Variants in NPFFR2 observed in about 807,000 individuals in gnomAD.
NPFFR2 encodes the protein G-protein coupled receptor 74.
Under a neutral mutation model 13.1 loss-of-function variants are expected in NPFFR2, and 15 were observed. The ratio of observed to expected loss-of-function variants is 1.15; its 90% CI spans 0.77 to 1.76. The LOEUF (loss-of-function observed/expected upper bound fraction) is 1.76. Among genes scored for constraint, NPFFR2 ranks in the 40% most tolerant of loss-of-function variants. The pLI is 0.00. For synonymous variants in NPFFR2, 190 were observed against 175.7 expected (o/e 1.08, Z -0.65); for missense variants, 572 against 503.5 (o/e 1.14, Z -1.30).
intron 1 of NPFFR2, among the ~76,000 whole-genome samples, chr4:72,125,073 C>G (rs189370850): frequency 1.3e-5 from 2 of 152,276 alleles, no homozygotes; most frequent in African/African-American, 2.4e-5. Flanking sequence ...GGAATTTAAA[C>G]AAATTTACCA....
intron 1 of NPFFR2, among the ~76,000 whole-genome samples, chr4:72,037,509 G>C (rs1327020332): frequency 6.6e-6 from 1 of 151,978 alleles, no homozygotes. Context: ...CTGAATGTGG[G>C]GTCTTTCTAG....
At chr4:72,133,104 A>G (rs1233577331) in intron 2 of NPFFR2, among the ~76,000 whole-genome samples, 6 of 152,114 alleles carry the variant, frequency 3.9e-5, no homozygotes, top group Admixed American at 3.9e-4. Context: ...GGTATTGCCT[A>G]GTTGTCTTCC....
At chr4:72,113,872 C>T (rs993491528) in intron 1 of NPFFR2, among the ~76,000 whole-genome samples, 1 of 152,016 alleles carries the variant, frequency 6.6e-6, no homozygotes. Flanking sequence ...AATATTTAGT[C>T]TATAAAATAT....
intron 1 of NPFFR2, among the ~76,000 whole-genome samples, chr4:72,102,296 G>C (rs929630148): frequency 6.6e-6 from 1 of 152,058 alleles, no homozygotes; most frequent in Non-Finnish European, 1.5e-5. Flanking sequence ...TTAGAAGAAT[G>C]CTAAACTGTG....
At chr4:72,063,148 T>C (rs1307336380) in intron 1 of NPFFR2, among the ~76,000 whole-genome samples, 1 of 152,224 alleles carries the variant, frequency 6.6e-6, no homozygotes, top group African/African-American at 2.4e-5. Flanking sequence ...ATATACAATA[T>C]AATGCTTTCA....
At chr4:72,088,457 CAT>C (rs1006918481) in intron 1 of NPFFR2, among the ~76,000 whole-genome samples, 7 of 151,786 alleles carry the variant, frequency 4.6e-5, no homozygotes, top group African/African-American at 1.5e-4. Flanking sequence ...ATAGAATATA[CAT>C]ATATATATAG....
intron 1 of NPFFR2, among the ~76,000 whole-genome samples, chr4:72,054,342 A>C (rs1026854112): frequency 6.6e-5 from 10 of 152,042 alleles, no homozygotes; most frequent in African/African-American, 2.4e-4. Context: ...TTATGTGGCC[A>C]ATTTATTTTA....
intron 1 of NPFFR2, among the ~76,000 whole-genome samples, chr4:72,100,343 G>A (rs1367675958): frequency 6.6e-6 from 1 of 152,070 alleles, no homozygotes; most frequent in Non-Finnish European, 1.5e-5. Flanking sequence ...CTTAATTTCT[G>A]TGTGAATATG....
rs1442807533 is a variant in NPFFR2 at position 72,032,097 on chromosome 4, C to A, written c.-111C>A. On this transcript the variant is annotated 5_prime_UTR_variant, in exon 1 of 4. Coordinates refer to ENST00000308744, the MANE Select transcript of NPFFR2 (RefSeq NM_004885.3). ...CAGACGTCGGCTGGGATTGAGCCGG[C>A]AGACTGCGAAAAGTAGCTGGAGCCG... is the stretch of plus-strand genomic sequence containing the variant. 5 of 1,614,092 alleles carry A rather than the reference C, an allele frequency of 3.1e-6. No individual in the cohort carries two copies. The highest frequency in any genetic ancestry group is 1.7e-5 in the Admixed American group (1 of 60,024).
chr4:72,141,971 C>T (rs1013266618), intron 3 of NPFFR2, among the ~76,000 whole-genome samples: 2 of 152,116 alleles, frequency 1.3e-5, no homozygotes, highest in South Asian at 4.2e-4. Context: ...TATTTAGGAT[C>T]GTTATTTCTT....
rs533094020 is a variant in NPFFR2 at position 72,109,207 on chromosome 4, G to A, written c.-7-19378G>A. ...AATATTGGCCATTAGTCAGCACCCA[G>A]ATCTGAGAGAGATGTCCAACAGTGT... On this transcript the variant is annotated intron_variant, in intron 1 of 3. Coordinates refer to ENST00000308744, the MANE Select transcript of NPFFR2 (RefSeq NM_004885.3). Among the ~76,000 whole-genome samples the A allele has an allele frequency of 7.2e-5, 11 of 152,112 alleles. No individual in the cohort carries two copies. In the East Asian group the frequency reaches 2.1e-3, roughly 29 times the overall value.
chr4:72,127,303 C>CAAAAA lies in NPFFR2; in HGVS notation c.-7-1258_-7-1254dup, dbSNP rs772559589. On this transcript the variant is annotated intron_variant, in intron 1 of 3. Coordinates refer to ENST00000308744, the MANE Select transcript of NPFFR2 (RefSeq NM_004885.3). ...TGGGTGACAGAGCTAGACTCCATCT[C>CAAAAA]AAAAAAAAAAAAAAAAAAAAAAAAA... Among the ~76,000 whole-genome samples the CAAAAA allele has an allele frequency of 1.1e-3, 12 of 11,424 alleles. 1 individual carries two copies. Among genetic ancestry groups the CAAAAA allele is most frequent in the African/African-American group, 3.9e-3 (12 of 3,110 alleles). The allele number at this position is 11,424 out of a possible 152,430, so 7.5% of individuals were successfully genotyped here. A position where few individuals can be genotyped will look rare whatever the true frequency, so the allele number is the denominator to read the frequency against.
intron 1 of NPFFR2, chr4:72,039,454 T>A (rs997022593): frequency 1.1e-6 from 1 of 885,488 alleles, no homozygotes; most frequent in African/African-American, 1.8e-5. Flanking sequence ...TAGATTTTTC[T>A]CTACTCTTAT....
intron 1 of NPFFR2, among the ~76,000 whole-genome samples, chr4:72,066,855 C>T (rs1720086298): frequency 6.6e-6 from 1 of 152,168 alleles, no homozygotes; most frequent in South Asian, 2.1e-4. Flanking sequence ...GCTGCCCTCA[C>T]AGATTGAAAT....
At chr4:72,049,275 C>T (rs2109763060) in intron 1 of NPFFR2, among the ~76,000 whole-genome samples, 1 of 152,178 alleles carries the variant, frequency 6.6e-6, no homozygotes, top group Admixed American at 6.5e-5. Context: ...CAATCAATGT[C>T]AAGGCTGTGT....
intron 1 of NPFFR2, among the ~76,000 whole-genome samples, chr4:72,063,628 T>C (rs1235448855): frequency 6.6e-6 from 1 of 152,176 alleles, no homozygotes; most frequent in Non-Finnish European, 1.5e-5. Flanking sequence ...AAATAAAAGT[T>C]CTTTTCAGTA....
chr4:72,140,742 A>G (rs911497419), intron 3 of NPFFR2, among the ~76,000 whole-genome samples: 4 of 151,814 alleles, frequency 2.6e-5, no homozygotes, highest in Admixed American at 6.6e-5. Context: ...GGGTGTCTCT[A>G]CCAGGCTTTG....
intron 3 of NPFFR2, chr4:72,146,692 A>T (rs1433336586): frequency 3.1e-6 from 1 of 327,034 alleles, no homozygotes. Context: ...GGTCCATGCA[A>T]ATTAATGGAA....
At chr4:72,136,407 A>G (rs1722413576) in intron 2 of NPFFR2, among the ~76,000 whole-genome samples, 1 of 151,128 alleles carries the variant, frequency 6.6e-6, no homozygotes, top group Admixed American at 6.6e-5. Flanking sequence ...ACACCACCAG[A>G]AAAAAAAAGA....
Sources: gnomAD v4.1 joint callset for allele counts (sites outside exome capture counted in the v4.1 genomes callset) on GRCh38, gnomAD v4.1.1 for gene constraint, MANE v1.5 for transcripts, NCBI Gene and HGNC (gene_info 2026-07-23, HGNC 2026-07-21) for gene names.